Variants in GPATCH2 observed in about 807,000 individuals in gnomAD.
GPATCH2 encodes G-patch domain containing 2, also known as G patch domain-containing protein 2.
Under a neutral mutation model 58.0 loss-of-function variants are expected in GPATCH2, and 51 were observed. The ratio of observed to expected loss-of-function variants is 0.88; its 90% CI spans 0.70 to 1.11. The LOEUF is 1.11. Ranked by LOEUF, GPATCH2 falls within the 50% of genes most tolerant of loss-of-function variation. GPATCH2 has a pLI of 0.00. For missense variants in GPATCH2, 625 were observed against 652.2 expected (o/e 0.96, Z 0.45); for synonymous variants, 222 against 218.5 (o/e 1.02, Z -0.14).
At chr1:217,447,326 G>T (rs899491273) in intron 9 of GPATCH2, among the ~76,000 whole-genome samples, 19 of 152,176 alleles carry the variant, frequency 1.2e-4, no homozygotes, top group Non-Finnish European at 7.4e-5. Flanking sequence ...TATGTAATGT[G>T]CATATAAAGA....
intron 5 of GPATCH2, among the ~76,000 whole-genome samples, chr1:217,531,703 T>C (rs1180894175): frequency 6.6e-6 from 1 of 152,108 alleles, no homozygotes; most frequent in African/African-American, 2.4e-5. Context: ...TTTTGACAAG[T>C]TGGTGAAAAC....
intron 2 of GPATCH2, among the ~76,000 whole-genome samples, chr1:217,617,974 G>C (rs960915594): frequency 6.6e-6 from 1 of 151,938 alleles, no homozygotes; most frequent in Non-Finnish European, 1.5e-5. Context: ...TAAAAAAAAG[G>C]GGGGGAGCTT....
intron 5 of GPATCH2, among the ~76,000 whole-genome samples, chr1:217,595,465 G>A (rs940782818): frequency 2.6e-5 from 4 of 151,394 alleles, no homozygotes; most frequent in African/African-American, 9.7e-5. Flanking sequence ...ATTTGCAACA[G>A]AACTGGAGTT....
At chr1:217,618,765 G>T (rs533487216) in intron 2 of GPATCH2, among the ~76,000 whole-genome samples, 1 of 152,082 alleles carries the variant, frequency 6.6e-6, no homozygotes, top group African/African-American at 2.4e-5. Context: ...TTGAAGACCA[G>T]CCTGGCCAAC....
At chr1:217,470,765 C>A (rs540300711) in intron 8 of GPATCH2, among the ~76,000 whole-genome samples, 123 of 152,078 alleles carry the variant, frequency 8.1e-4, no homozygotes, top group African/African-American at 2.9e-3. Context: ...TGGTATGCTT[C>A]CAATTATTCT....
At chr1:217,437,971 C>T (rs553894619) in intron 9 of GPATCH2, among the ~76,000 whole-genome samples, 1 of 152,270 alleles carries the variant, frequency 6.6e-6, no homozygotes, top group South Asian at 2.1e-4. Flanking sequence ...CGACAGACAC[C>T]TCATACAGGA....
At chr1:217,573,513 G>C (rs1666664364) in intron 5 of GPATCH2, among the ~76,000 whole-genome samples, 1 of 152,132 alleles carries the variant, frequency 6.6e-6, no homozygotes, top group African/African-American at 2.4e-5. Flanking sequence ...CCTCTGATAA[G>C]TATCTGAACC....
At chr1:217,562,185 G>T (rs1265595649) in intron 5 of GPATCH2, among the ~76,000 whole-genome samples, 1 of 152,082 alleles carries the variant, frequency 6.6e-6, no homozygotes, top group East Asian at 1.9e-4. Context: ...AAATTAACAC[G>T]GAATGCCCCC....
chr1:217,565,100 C>T (rs140888248), intron 5 of GPATCH2, among the ~76,000 whole-genome samples: 14 of 152,082 alleles, frequency 9.2e-5, no homozygotes, highest in African/African-American at 3.4e-4. Context: ...AAAGGTAATG[C>T]TAATTTGACT....
At chr1:217,564,704 C>A (rs1236556034) in intron 5 of GPATCH2, among the ~76,000 whole-genome samples, 2 of 152,182 alleles carry the variant, frequency 1.3e-5, no homozygotes, top group Non-Finnish European at 2.9e-5. Context: ...TGGCTACAAT[C>A]TATTTCAGAA....
chr1:217,454,618 T>G (rs1201401574), intron 8 of GPATCH2, among the ~76,000 whole-genome samples: 1 of 144,448 alleles, frequency 6.9e-6, no homozygotes, highest in African/African-American at 2.5e-5. Flanking sequence ...AAACCTTTCC[T>G]TTTTTTTTCC....
chr1:217,495,073 G>T, intron 7 of GPATCH2: 1 of 710,284 alleles, frequency 1.4e-6, no homozygotes, highest in Non-Finnish European at 1.7e-6. Context: ...CCTTATTAGT[G>T]ACCTGCAGAT....
intron 8 of GPATCH2, among the ~76,000 whole-genome samples, chr1:217,473,744 CAT>C (rs1304311247): frequency 1.3e-5 from 2 of 151,550 alleles, no homozygotes; most frequent in Non-Finnish European, 2.9e-5. Flanking sequence ...AGACAGGAAA[CAT>C]GTAACTCTAG....
chr1:217,497,788 GAGAA>G (rs1438146330), intron 7 of GPATCH2, among the ~76,000 whole-genome samples: 12 of 151,984 alleles, frequency 7.9e-5, no homozygotes, highest in African/African-American at 2.9e-4. Flanking sequence ...GCATGCTTCC[GAGAA>G]AGAACTAATA....
At chr1:217,441,116 C>T (rs911874892) in intron 9 of GPATCH2, among the ~76,000 whole-genome samples, 14 of 152,230 alleles carry the variant, frequency 9.2e-5, no homozygotes, top group African/African-American at 3.4e-4. Flanking sequence ...GACTGCAAGG[C>T]TACAGTAACC....
At chr1:217,464,785 GA>G (rs1245776188) in intron 8 of GPATCH2, among the ~76,000 whole-genome samples, 2 of 152,144 alleles carry the variant, frequency 1.3e-5, no homozygotes, top group Admixed American at 6.5e-5. Context: ...CATGAAATTA[GA>G]AAGCTATCCT....
chr1:217,586,975 T>G lies in GPATCH2; in HGVS notation c.1098+23346A>C, dbSNP rs1342255566. 2.6e-5 allele frequency among the ~76,000 whole-genome samples: 4 copies of G among 152,196 alleles called. No homozygotes were observed. The East Asian group carries it at 5.8e-4, about 22-fold the overall frequency. On this transcript the variant is annotated intron_variant, in intron 5 of 9. Coordinates refer to ENST00000366935, the MANE Select transcript of GPATCH2 (RefSeq NM_018040.5). Reference sequence around the variant, plus strand: ...GATATGATTAACATAAAATTCTTGATAGTAGTTACTTCTGGGAGAAGAGGT... The same window carrying G: ...GATATGATTAACATAAAATTCTTGAGAGTAGTTACTTCTGGGAGAAGAGGT...
chr1:217,489,583 C>T lies in GPATCH2; in HGVS notation c.1277+2097G>A, dbSNP rs147579906. ...ATTGCCTTTAAGTCTTACAAATTGT[C>T]GGGGCACAGTGGCTCATGCCTGTAA... On this transcript the variant is annotated intron_variant, in intron 8 of 9. Transcript: ENST00000366935. Among the ~76,000 whole-genome samples, 836 of 152,210 alleles carry T rather than the reference C, an allele frequency of 5.5e-3. 8 individuals are homozygous for T. Among genetic ancestry groups the T allele is most frequent in the African/African-American group, 0.019 (794 of 41,532 alleles).
intron 5 of GPATCH2, among the ~76,000 whole-genome samples, chr1:217,582,480 AATATC>A (rs1172600781): frequency 6.6e-6 from 1 of 152,122 alleles, no homozygotes; most frequent in African/African-American, 2.4e-5. Flanking sequence ...TTTTTCAAAT[AATATC>A]ATATTATAAA....
Sources: gnomAD v4.1 joint callset for allele counts (sites outside exome capture counted in the v4.1 genomes callset) on GRCh38, gnomAD v4.1.1 for gene constraint, MANE v1.5 for transcripts, NCBI Gene and HGNC (gene_info 2026-07-23, HGNC 2026-07-21) for gene names.